The following SMAD9 variants were observed in gnomAD, a reference collection of about 807,000 sequenced individuals.
SMAD9 encodes MAD homolog 9.
Under a neutral mutation model 46.1 loss-of-function variants are expected in SMAD9, and 36 were observed. The ratio of observed to expected loss-of-function variants is 0.78; its 90% CI spans 0.60 to 1.03. The LOEUF (loss-of-function observed/expected upper bound fraction) is 1.03, where lower values mean the gene tolerates loss of function less well. SMAD9 is among the 50% of genes least tolerant of loss of function. SMAD9 has a pLI of 0.00. For synonymous variants in SMAD9, 245 were observed against 237.1 expected (o/e 1.03, Z -0.31); for missense variants, 572 against 599.8 (o/e 0.95, Z 0.48).
chr13:36,848,867 G>C (rs1286864172), intron 6 of SMAD9, 48 bp from the exon 7 acceptor site: 1 of 1,600,098 alleles, frequency 6.2e-7, no homozygotes, highest in Admixed American at 1.7e-5. Flanking sequence ...CTTACACTCA[G>C]CCTCCAGAGC....
chr13:36,917,863 T>C (rs944167053), intron 1 of SMAD9, among the ~76,000 whole-genome samples: 1 of 152,208 alleles, frequency 6.6e-6, no homozygotes, highest in Admixed American at 6.5e-5. Flanking sequence ...CATAGTGCAC[T>C]CTCATTAATC....
intron 1 of SMAD9, among the ~76,000 whole-genome samples, chr13:36,881,354 A>G (rs1256862760): frequency 1.3e-5 from 2 of 152,186 alleles, no homozygotes; most frequent in Non-Finnish European, 2.9e-5. Flanking sequence ...ATAATCTCCA[A>G]CAATTGTTTG....
At chr13:36,913,274 TC>T (rs2058675026) in intron 1 of SMAD9, among the ~76,000 whole-genome samples, 1 of 152,188 alleles carries the variant, frequency 6.6e-6, no homozygotes, top group Non-Finnish European at 1.5e-5. Context: ...TTGATCTCTT[TC>T]ACGCTAACTA....
At chr13:36,873,689 C>T (rs1311467170) in intron 2 of SMAD9, among the ~76,000 whole-genome samples, 2 of 152,012 alleles carry the variant, frequency 1.3e-5, no homozygotes, top group Admixed American at 1.3e-4. Flanking sequence ...GTGGTGAAAC[C>T]CCGTCTCTAT....
At chr13:36,919,453 CCTAA>C (rs754769751) in intron 1 of SMAD9, among the ~76,000 whole-genome samples, 3 of 152,262 alleles carry the variant, frequency 2.0e-5, no homozygotes, top group East Asian at 3.9e-4. Context: ...CAACAACATT[CCTAA>C]CTTTTTTTCT....
Position 36,853,472 on chromosome 13 carries a change from C to G in SMAD9, c.1207G>C (p.Glu403Gln). 1.2e-6 allele frequency: 2 copies of G among 1,614,094 alleles called. No homozygotes were observed. The highest frequency in any genetic ancestry group is 1.7e-6 in the Non-Finnish European group (2 of 1,179,992). Residue 403 changes from glutamate to glutamine, a missense_variant, in exon 6 of 7, where the codon GAA becomes CAA. Transcript: ENST00000379826. ...LLAQSVHHGFEVVYELTKMCT... is the reference protein window; with the variant it reads ...LLAQSVHHGFQVVYELTKMCT... ...ATCTTGGTCAGTTCATACACGACTT[C>G]AAAGCCGTGGTGAACTGACTGGGCC...
intron 1 of SMAD9, among the ~76,000 whole-genome samples, chr13:36,907,847 AT>A (rs1323219443): frequency 6.6e-6 from 1 of 152,190 alleles, no homozygotes; most frequent in African/African-American, 2.4e-5. Context: ...ATAAACTCTA[AT>A]TTTCAGGTAG....
intron 1 of SMAD9, among the ~76,000 whole-genome samples, chr13:36,908,896 G>A (rs2058638865): frequency 6.6e-6 from 1 of 152,138 alleles, no homozygotes; most frequent in Non-Finnish European, 1.5e-5. Context: ...AGGGATATAT[G>A]TGGCCCAAAT....
At chr13:36,871,528 AT>A (rs1192342020) in intron 3 of SMAD9, among the ~76,000 whole-genome samples, 74 of 152,054 alleles carry the variant, frequency 4.9e-4, no homozygotes, top group African/African-American at 1.8e-3. Context: ...AAAATAAAAA[AT>A]AAAAAATAAA....
At chr13:36,911,221 G>A (rs910272544) in intron 1 of SMAD9, among the ~76,000 whole-genome samples, 2 of 151,802 alleles carry the variant, frequency 1.3e-5, no homozygotes, top group African/African-American at 4.8e-5. Flanking sequence ...TGTTGTCCAG[G>A]CTGGTCTCAA....
In SMAD9 at chr13:36,879,588, T is replaced by C. The variant is rs1160761036; in HGVS notation, c.102A>G (p.Ala34=). The change falls in exon 2 of 7, where the codon GCA becomes GCG. Residue 34 remains alanine, a synonymous_variant. Transcript: ENST00000379826. The part of the protein sequence containing the change: ...WKQGDEEEKW[A]EKAVDSLVKK... ...TCACTAGAGAGTCCACTGCCTTCTC[T>C]GCCCACTTTTCCTCTTCATCTCCTT... The C allele has an allele frequency of 9.9e-6, 16 of 1,614,112 alleles. No individual in the cohort carries two copies. Among genetic ancestry groups the C allele is most frequent in the Non-Finnish European group, 1.4e-5 (16 of 1,180,042 alleles).
intron 3 of SMAD9, among the ~76,000 whole-genome samples, chr13:36,868,133 C>T (rs148089251): frequency 1.3e-5 from 2 of 152,300 alleles, no homozygotes; most frequent in East Asian, 3.9e-4. Context: ...TTTGTTGTAT[C>T]GAATTGTCCA....
chr13:36,909,301 C>T (rs982082882), intron 1 of SMAD9, among the ~76,000 whole-genome samples: 1 of 152,098 alleles, frequency 6.6e-6, no homozygotes, highest in African/African-American at 2.4e-5. Context: ...TAGTTTGGGT[C>T]ACTTAAGGTA....
intron 1 of SMAD9, among the ~76,000 whole-genome samples, chr13:36,913,568 G>A: frequency 6.6e-6 from 1 of 152,106 alleles, no homozygotes; most frequent in East Asian, 1.9e-4. Context: ...AAAATTAGAT[G>A]CAATGACAAC....
intron 6 of SMAD9, among the ~76,000 whole-genome samples, chr13:36,850,483 G>A (rs1005065805): frequency 6.6e-6 from 1 of 152,122 alleles, no homozygotes; most frequent in Non-Finnish European, 1.5e-5. Flanking sequence ...AGGTTCAAGC[G>A]ATTCTCCTGC....
intron 1 of SMAD9, among the ~76,000 whole-genome samples, chr13:36,900,559 A>C (rs546337622): frequency 5.3e-4 from 80 of 152,138 alleles, no homozygotes; most frequent in African/African-American, 1.8e-3. Flanking sequence ...GATTACAGGC[A>C]TGAGCCACCC....
intron 6 of SMAD9, chr13:36,852,284 C>T: frequency 1.0e-6 from 1 of 983,954 alleles, no homozygotes. Context: ...GAAAAAAATG[C>T]CTGGAACAAG....
chr13:36,890,346 C>T (rs1276486442), intron 1 of SMAD9, among the ~76,000 whole-genome samples: 7 of 152,258 alleles, frequency 4.6e-5, no homozygotes, highest in Middle Eastern at 6.8e-3. Context: ...TAAAACAAAT[C>T]AAATTAGTTT....
chr13:36,920,122 G>A lies in SMAD9; in HGVS notation c.-193C>T, dbSNP rs1192312863. On this transcript the variant is annotated 5_prime_UTR_variant, in exon 1 of 7. Transcript: ENST00000379826. Reference sequence around the variant, plus strand: ...CCGAGCGCCGCGCACTCACTGCCTGGCTGCGCGCGCCCAGCGCCTGCAGGG... The same window carrying A: ...CCGAGCGCCGCGCACTCACTGCCTGACTGCGCGCGCCCAGCGCCTGCAGGG... 1 of 150,456 alleles carries A rather than the reference G, an allele frequency of 6.6e-6. No homozygotes were observed. The highest frequency in any genetic ancestry group is 1.5e-5 in the Non-Finnish European group (1 of 67,652). 9.3% of individuals were successfully genotyped at this position (150,456 alleles called of 1,614,324 possible). A position where few individuals can be genotyped will look rare whatever the true frequency, so the allele number is the denominator to read the frequency against.
Sources: gnomAD v4.1 joint callset for allele counts (sites outside exome capture counted in the v4.1 genomes callset) on GRCh38, gnomAD v4.1.1 for gene constraint, MANE v1.5 for transcripts, NCBI Gene and HGNC (gene_info 2026-07-23, HGNC 2026-07-21) for gene names.